The following CSNK2A2IP variants were observed in gnomAD, a reference collection of about 807,000 sequenced individuals.
CSNK2A2IP encodes the protein casein kinase II subunit alpha'-interacting protein.
chr3:88,401,344 A>G, the CSNK2A2IP span, among the ~76,000 whole-genome samples: 1 of 152,106 alleles, frequency 6.6e-6, no homozygotes, highest in Admixed American at 6.6e-5. Context: ...AATTATGACC[A>G]TATGCATACA....
At chr3:88,387,821 G>A in the CSNK2A2IP span, among the ~76,000 whole-genome samples, 1 of 152,100 alleles carries the variant, frequency 6.6e-6, no homozygotes, top group African/African-American at 2.4e-5. Flanking sequence ...GAACTCCTGA[G>A]CCCAAGGGAT....
chr3:88,394,266 T>C, the CSNK2A2IP span, among the ~76,000 whole-genome samples: 2 of 152,252 alleles, frequency 1.3e-5, no homozygotes, highest in African/African-American at 4.8e-5. Flanking sequence ...CATTACTAAA[T>C]ACATTTATGA....
chr3:88,378,000 T>C, the CSNK2A2IP span, among the ~76,000 whole-genome samples: 1 of 151,930 alleles, frequency 6.6e-6, no homozygotes, highest in Non-Finnish European at 1.5e-5. Flanking sequence ...ACCTCAAAAC[T>C]ACATATATAG....
At chr3:88,365,506 A>T in the CSNK2A2IP span, among the ~76,000 whole-genome samples, 1 of 152,182 alleles carries the variant, frequency 6.6e-6, no homozygotes, top group Non-Finnish European at 1.5e-5. Context: ...AAACATTCCC[A>T]GGTCCTCAGC....
chr3:88,448,438 C>A, the CSNK2A2IP span, among the ~76,000 whole-genome samples: 13 of 152,064 alleles, frequency 8.5e-5, no homozygotes, highest in Admixed American at 7.9e-4. Context: ...CCTAGGTAAC[C>A]CCTAGATCCT....
the CSNK2A2IP span, among the ~76,000 whole-genome samples, chr3:88,379,058 C>T: frequency 6.6e-6 from 1 of 151,920 alleles, no homozygotes; most frequent in African/African-American, 2.4e-5. Flanking sequence ...CTTGGCATTG[C>T]TAGACACGAA....
chr3:88,364,643 G>A, the CSNK2A2IP span, among the ~76,000 whole-genome samples: 3 of 152,014 alleles, frequency 2.0e-5, no homozygotes, highest in Non-Finnish European at 4.4e-5. Context: ...ACTTGTAAAA[G>A]GCTTACTGAA....
At chr3:88,385,431 GA>G in the CSNK2A2IP span, among the ~76,000 whole-genome samples, 1 of 152,178 alleles carries the variant, frequency 6.6e-6, no homozygotes, top group Non-Finnish European at 1.5e-5. Flanking sequence ...TGGGCAGGTG[GA>G]AACCAGATTG....
At chr3:88,437,140 G>C in the CSNK2A2IP span, among the ~76,000 whole-genome samples, 54,699 of 151,924 alleles carry the variant, frequency 0.36, 11,091 homozygotes, top group Non-Finnish European at 0.47. Flanking sequence ...TAACTGCTCT[G>C]TCAAAATTTC....
chr3:88,413,606 AGTATGTGTGTGT>A, the CSNK2A2IP span, among the ~76,000 whole-genome samples: 1 of 151,836 alleles, frequency 6.6e-6, no homozygotes, highest in Non-Finnish European at 1.5e-5. Context: ...ACAAAAGTTG[AGTATGTGTGTGT>A]GTATGTGTGT....
chr3:88,407,664 T>C, the CSNK2A2IP span, among the ~76,000 whole-genome samples: 2 of 152,160 alleles, frequency 1.3e-5, no homozygotes, highest in Admixed American at 6.5e-5. Context: ...CTTTATTTAC[T>C]GTAAAGGTGA....
the CSNK2A2IP span, among the ~76,000 whole-genome samples, chr3:88,365,028 ATTGAGGC>A: frequency 6.6e-6 from 1 of 152,174 alleles, no homozygotes; most frequent in South Asian, 2.1e-4. Flanking sequence ...AGATAAGGAA[ATTGAGGC>A]CTTGCCCAAG....
At chr3:88,453,205 T>A in the CSNK2A2IP span, among the ~76,000 whole-genome samples, 60 of 152,190 alleles carry the variant, frequency 3.9e-4, no homozygotes, top group Non-Finnish European at 6.8e-4. Context: ...ATGATCAATC[T>A]CTGAACTTAG....
At chr3:88,409,194 G>A in the CSNK2A2IP span, among the ~76,000 whole-genome samples, 3 of 151,984 alleles carry the variant, frequency 2.0e-5, no homozygotes, top group African/African-American at 7.3e-5. Context: ...TATCACAATG[G>A]GTCTATAATA....
chr3:88,400,067 C>T, the CSNK2A2IP span, among the ~76,000 whole-genome samples: 1 of 152,132 alleles, frequency 6.6e-6, no homozygotes, highest in African/African-American at 2.4e-5. Flanking sequence ...TAACATCTGT[C>T]CTTGTTTAAA....
chr3:88,384,047 ATAG>A, the CSNK2A2IP span, among the ~76,000 whole-genome samples: 2 of 152,158 alleles, frequency 1.3e-5, no homozygotes, highest in Non-Finnish European at 2.9e-5. Flanking sequence ...TAGTCTCTAT[ATAG>A]TAGTGCATTC....
At chr3:88,455,653 C>T in the CSNK2A2IP span, among the ~76,000 whole-genome samples, 19 of 151,804 alleles carry the variant, frequency 1.3e-4, no homozygotes, top group South Asian at 3.9e-3. Context: ...CTGTGAGCTA[C>T]CTTTTCATTT....
At chr3:88,434,878 G>C in the CSNK2A2IP span, among the ~76,000 whole-genome samples, 1 of 152,188 alleles carries the variant, frequency 6.6e-6, no homozygotes, top group Non-Finnish European at 1.5e-5. Flanking sequence ...ATGGATTGCT[G>C]TATTGTCAAA....
At chr3:88,423,299 A>C in the CSNK2A2IP span, among the ~76,000 whole-genome samples, 13 of 152,356 alleles carry the variant, frequency 8.5e-5, no homozygotes, top group Non-Finnish European at 1.2e-4. Context: ...ATGTTTGTAC[A>C]GATAGAATAG....
Sources: allele counts gnomAD v4.1 joint callset (sites outside exome capture counted in the v4.1 genomes callset), GRCh38; gene constraint gnomAD v4.1.1; transcripts MANE v1.5; gene names NCBI Gene and HGNC (gene_info 2026-07-23, HGNC 2026-07-21).